Variants in PIEZO1 observed in about 807,000 individuals in gnomAD.
The protein encoded by PIEZO1 is piezo type mechanosensitive ion channel component 1 (Er blood group).
PIEZO1 carries 296 observed loss-of-function variants against 297.2 expected under a neutral mutation model. The observed-to-expected ratio is 1.00, with a 90% CI of 0.91 to 1.10. The LOEUF is 1.10. PIEZO1 is among the 50% of genes least tolerant of loss of function. PIEZO1 has a pLI of 0.00. For missense variants in PIEZO1, 5,018 were observed against 3,455.5 expected (o/e 1.45, Z -11.34); for synonymous variants, 2,427 against 1,507.5 (o/e 1.61, Z -14.13).
chr16:88,722,849 C>T lies in PIEZO1; in HGVS notation c.4656G>A (p.Gln1552=), dbSNP rs1254864047. ...VLRAERYLLT[Q]ELLQGGEVHR... is the part of the protein sequence containing the mutation. The stretch of plus-strand genomic sequence containing the variant: ...CGGGCAGGCTCACCTGCAGGAGCTC[C>T]TGTGTGAGGAGGTAGCGCTCTGCCC... The change falls in exon 34 of 51, where the codon CAG becomes CAA. Residue 1552 remains glutamine, a synonymous_variant. Coordinates refer to ENST00000301015, the MANE Select transcript of PIEZO1 (RefSeq NM_001142864.4). The T allele has an allele frequency of 2.6e-6, 4 of 1,546,806 alleles. No individual in the cohort carries two copies. Among genetic ancestry groups the T allele is most frequent in the Non-Finnish European group, 3.5e-6 (4 of 1,146,692 alleles).
rs544300762 is a variant in PIEZO1, at chr16:88,734,211, G to A, written c.2180+145C>T. The A allele has an allele frequency of 1.4e-4, 162 of 1,173,354 alleles. 2 individuals are homozygous for A. The highest frequency in any genetic ancestry group is 1.3e-3 in the South Asian group (85 of 63,604). The allele number at this position is 1,173,354 out of a possible 1,614,324, so 72.7% of individuals were successfully genotyped here. On this transcript the variant is annotated intron_variant, in intron 16 of 50. Transcript: ENST00000301015. ...TGCCCACTGTCCCTGTGACCTCCAC[G>A]CTACTGCCATCCCCTTGGTATGAGC...
chr16:88,784,042 G>A (rs749331959), intron 1 of PIEZO1, among the ~76,000 whole-genome samples: 7 of 152,198 alleles, frequency 4.6e-5, no homozygotes, highest in Non-Finnish European at 1.0e-4. Context: ...GGCGGAGGGC[G>A]CGGACCCTGG....
At chr16:88,756,579 C>T (rs1001127970) in intron 1 of PIEZO1, among the ~76,000 whole-genome samples, 2 of 151,970 alleles carry the variant, frequency 1.3e-5, no homozygotes, top group African/African-American at 2.4e-5. Context: ...ACCAGCCTGG[C>T]CAACATGGTG....
chr16:88,727,664 G>A lies in PIEZO1; in HGVS notation c.3197-3C>T. 6.3e-6 allele frequency: 9 copies of A among 1,425,024 alleles called. No individual in the cohort carries two copies. The highest frequency in any genetic ancestry group is 8.4e-6 in the Non-Finnish European group (9 of 1,065,730). The allele number at this position is 1,425,024 out of a possible 1,614,324, so 88.3% of individuals were successfully genotyped here. A position where few individuals can be genotyped will look rare whatever the true frequency, so the allele number is the denominator to read the frequency against. On this transcript the variant is annotated splice_polypyrimidine_tract_variant and splice_region_variant and intron_variant, in intron 22 of 50. Coordinates refer to ENST00000301015, the MANE Select transcript of PIEZO1 (RefSeq NM_001142864.4). ...CCGGCTCCAGCGCCAGGGATAATCTGGGGGAAGGGGTGTCATGTCAGGAAG... is the reference window on the plus strand; with the variant it reads ...CCGGCTCCAGCGCCAGGGATAATCTAGGGGAAGGGGTGTCATGTCAGGAAG...
At chr16:88,761,443 G>A (rs889211443) in intron 1 of PIEZO1, among the ~76,000 whole-genome samples, 4 of 152,228 alleles carry the variant, frequency 2.6e-5, no homozygotes, top group African/African-American at 9.6e-5. Context: ...CTGACCAAAG[G>A]CCCAGCGGCA....
chr16:88,724,627 G>C (rs1231797815), intron 30 of PIEZO1, among the ~76,000 whole-genome samples: 1 of 152,050 alleles, frequency 6.6e-6, no homozygotes, highest in Non-Finnish European at 1.5e-5. Context: ...CCGGGAGGTA[G>C]AGATTGCAGT....
At chr16:88,735,287 A>G in intron 12 of PIEZO1, 41 bp from the exon 13 acceptor site, 1 of 1,397,634 alleles carries the variant, frequency 7.2e-7, no homozygotes, top group Non-Finnish European at 9.9e-7. Flanking sequence ...CGGGGGGCCC[A>G]GCACCCCTCC....
rs888911518 is a variant in PIEZO1, at chr16:88,725,635, G to A, written c.4018C>T (p.Arg1340Cys). 19 of 1,549,468 alleles carry A rather than the reference G, an allele frequency of 1.2e-5. No homozygotes were observed. The Middle Eastern group carries it at 5.0e-4, about 41-fold the overall frequency. Residue 1340 changes from arginine to cysteine, a missense_variant, in exon 28 of 51, where the codon CGC (arginine) becomes TGC (cysteine). Physicochemically the swap from Arg to Cys is radical, Grantham distance 180. Transcript: ENST00000301015. ...GCCAGGGACTTCTCCTCTATCCTGC[G>A]GTGAAAGTCAATGCTCTTGAGGTTG... ...AANLKSIDFH[R>C]RIEEKSLAQL... is the part of the protein sequence containing the mutation.
At chr16:88,726,027 G>A (rs549545051) in intron 27 of PIEZO1, 11 of 569,110 alleles carry the variant, frequency 1.9e-5, no homozygotes, top group Non-Finnish European at 2.8e-5. Flanking sequence ...GCCCTTAGTG[G>A]GAAAGTTGGC....
chr16:88,719,264 A>AG, intron 44 of PIEZO1: 1 of 334,104 alleles, frequency 3.0e-6, no homozygotes, highest in Non-Finnish European at 5.6e-6. Context: ...TCTCTCTGAG[A>AG]AAGGCCATTA....
rs1413282885 is a variant in PIEZO1, at chr16:88,727,025, G to A, written c.3455+14C>T. On this transcript the variant is annotated intron_variant, in intron 24 of 50. Transcript: ENST00000301015. ...TCCCAGAAGGTTCCCCGTGGAGGGT[G>A]ACGTGGAACCCACCTGCAGTGGATA... 2.6e-6 allele frequency: 4 copies of A among 1,548,182 alleles called. No individual in the cohort carries two copies. Among genetic ancestry groups the A allele is most frequent in the Non-Finnish European group, 3.5e-6 (4 of 1,145,104 alleles).
At chr16:88,750,252 C>T (rs1906317379) in intron 1 of PIEZO1, among the ~76,000 whole-genome samples, 1 of 151,974 alleles carries the variant, frequency 6.6e-6, no homozygotes, top group Admixed American at 6.6e-5. Context: ...AGGAGAATCG[C>T]TTGAACCCGG....
intron 1 of PIEZO1, among the ~76,000 whole-genome samples, chr16:88,754,029 A>G (rs374469662): frequency 3.3e-5 from 5 of 152,186 alleles, no homozygotes; most frequent in African/African-American, 1.2e-4. Context: ...CGTGGGGGTA[A>G]TGCCTTTTCC....
chr16:88,746,407 G>A (rs1427202727), intron 2 of PIEZO1, among the ~76,000 whole-genome samples: 4 of 152,154 alleles, frequency 2.6e-5, no homozygotes, highest in Non-Finnish European at 5.9e-5. Context: ...GCCACCCCCT[G>A]TGGCTCTGCC....
Position 88,721,886 on chromosome 16 carries a change from C to T in PIEZO1, c.5136G>A (p.Val1712=). 1.9e-6 allele frequency: 3 copies of T among 1,550,056 alleles called. No individual in the cohort carries two copies. The highest frequency in any genetic ancestry group is 1.2e-5 in the South Asian group (1 of 84,066). The change falls in exon 37 of 51, where the codon GTG becomes GTA. Residue 1712 remains valine, a synonymous_variant. Transcript: ENST00000301015. Reference sequence around the variant, plus strand: ...ACAGCATGGCCCACAGGAAGACGAGCACGGGCAGCACCAGCGAGCCGGCGG... The same window carrying T: ...ACAGCATGGCCCACAGGAAGACGAGTACGGGCAGCACCAGCGAGCCGGCGG... ...TASAGSLVLP[V]LVFLWAMLSI...
At chr16:88,767,690 G>A (rs1343991097) in intron 1 of PIEZO1, among the ~76,000 whole-genome samples, 2 of 152,160 alleles carry the variant, frequency 1.3e-5, no homozygotes. Context: ...AGAGGAACCA[G>A]GGTCCCCAAA....
intron 1 of PIEZO1, among the ~76,000 whole-genome samples, chr16:88,756,060 G>A (rs1314412065): frequency 6.6e-6 from 1 of 152,212 alleles, no homozygotes; most frequent in East Asian, 1.9e-4. Flanking sequence ...TCACAGGAGT[G>A]AGCAGTCAGA....
At chr16:88,776,612 C>T (rs1037638838) in intron 1 of PIEZO1, among the ~76,000 whole-genome samples, 1 of 151,924 alleles carries the variant, frequency 6.6e-6, no homozygotes, top group Non-Finnish European at 1.5e-5. Flanking sequence ...TCTGGGGAGG[C>T]GAAGCCACGG....
chr16:88,722,214 C>G lies in PIEZO1; in HGVS notation c.4955+4G>C, dbSNP rs753180348. The G allele has an allele frequency of 4.5e-6, 7 of 1,545,394 alleles. No individual in the cohort carries two copies. The highest frequency in any genetic ancestry group is 6.1e-6 in the Non-Finnish European group (7 of 1,146,460). On this transcript the variant is annotated splice_donor_region_variant and intron_variant, in intron 36 of 50. Coordinates refer to ENST00000301015, the MANE Select transcript of PIEZO1 (RefSeq NM_001142864.4). Reference sequence around the variant, plus strand: ...GGCTGGTGTTGTGCGCGTCCCGCCCCCACCTGTCCAGGAGCAGCTCGCTGG... The same window carrying G: ...GGCTGGTGTTGTGCGCGTCCCGCCCGCACCTGTCCAGGAGCAGCTCGCTGG...
Sources: gnomAD v4.1 joint callset for allele counts (sites outside exome capture counted in the v4.1 genomes callset) on GRCh38, gnomAD v4.1.1 for gene constraint, MANE v1.5 for transcripts, NCBI Gene and HGNC (gene_info 2026-07-23, HGNC 2026-07-21) for gene names.